MYT1L: variants seen among roughly 807,000 people sequenced by gnomAD.
MYT1L encodes the protein myelin transcription factor 1 like.
MYT1L carries 12 observed loss-of-function variants against 126.7 expected under a neutral mutation model. The ratio of observed to expected loss-of-function variants is 0.09; its 90% confidence interval spans 0.06 to 0.15. The LOEUF (loss-of-function observed/expected upper bound fraction) is 0.15. MYT1L is among the 10% of genes least tolerant of loss of function. The probability of loss-of-function intolerance (pLI) is 1.00; values close to 1 mark genes in which losing one functional copy is unlikely to be tolerated. For missense variants in MYT1L, 979 were observed against 1,585.2 expected (o/e 0.62, Z 6.49); for synonymous variants, 541 against 604.2 (o/e 0.90, Z 1.53).
At chr2:1,977,358 G>A (rs1293632487) in intron 8 of MYT1L, among the ~76,000 whole-genome samples, 1 of 152,160 alleles carries the variant, frequency 6.6e-6, no homozygotes, top group Non-Finnish European at 1.5e-5. Flanking sequence ...CACATTACAT[G>A]GGACACATAA....
intron 5 of MYT1L, among the ~76,000 whole-genome samples, chr2:1,994,617 G>C (rs986813458): frequency 9.9e-5 from 15 of 152,218 alleles, no homozygotes; most frequent in African/African-American, 3.6e-4. Context: ...ACACAAATGT[G>C]ACTGAAGAGC....
At position 1,891,744 on chromosome 2, in the gene MYT1L, T is replaced by C. The variant is rs181372284; in HGVS notation, c.2283+293A>G. Among the ~76,000 whole-genome samples, 259 of 152,318 alleles carry C rather than the reference T, an allele frequency of 1.7e-3. 2 individuals carry two copies. Among genetic ancestry groups the C allele is most frequent in the African/African-American group, 5.9e-3 (246 of 41,582 alleles). On this transcript the variant is annotated intron_variant, in intron 15 of 24. Transcript: ENST00000647738. ...ACCACAGGAGGCCCACGTGGTGTCC[T>C]TTGTTTACAGAAATGCTTCTGGATC...
intron 13 of MYT1L, among the ~76,000 whole-genome samples, chr2:1,909,971 C>T (rs2051680836): frequency 6.6e-6 from 1 of 152,172 alleles, no homozygotes; most frequent in African/African-American, 2.4e-5. Context: ...AATACCAGGT[C>T]CAGAAACAAA....
intron 3 of MYT1L, among the ~76,000 whole-genome samples, chr2:2,157,375 A>G (rs1306423894): frequency 6.6e-6 from 1 of 152,226 alleles, no homozygotes; most frequent in African/African-American, 2.4e-5. Context: ...TAATATGTCC[A>G]TGGACTAGAC....
intron 1 of MYT1L, chr2:2,327,028 C>A (rs1275067880): frequency 6.6e-6 from 1 of 151,850 alleles, no homozygotes; most frequent in African/African-American, 2.4e-5. Flanking sequence ...TGAAATAGCC[C>A]ACTGATGGAA....
intron 3 of MYT1L, among the ~76,000 whole-genome samples, chr2:2,079,269 T>C (rs758396595): frequency 2.0e-5 from 3 of 152,054 alleles, no homozygotes; most frequent in South Asian, 2.1e-4. Flanking sequence ...GAATAAAACA[T>C]CTGGAAATAA....
intron 2 of MYT1L, among the ~76,000 whole-genome samples, chr2:2,207,599 C>T (rs530362443): frequency 6.6e-6 from 1 of 152,318 alleles, no homozygotes; most frequent in South Asian, 2.1e-4. Flanking sequence ...TGGTTCACCA[C>T]TAAGCCTGGA....
chr2:2,081,376 C>G (rs1032340039), intron 3 of MYT1L, among the ~76,000 whole-genome samples: 4 of 152,170 alleles, frequency 2.6e-5, no homozygotes, highest in Non-Finnish European at 5.9e-5. Context: ...TCCTACTTCC[C>G]TCTTGGCAAA....
intron 4 of MYT1L, among the ~76,000 whole-genome samples, chr2:2,023,330 G>A (rs923714377): frequency 2.0e-5 from 3 of 152,216 alleles, no homozygotes; most frequent in African/African-American, 4.8e-5. Flanking sequence ...TGCACAGAAT[G>A]TCCATTAGAG....
At chr2:2,109,873 TTTTATA>T (rs1401022710) in intron 3 of MYT1L, among the ~76,000 whole-genome samples, 3 of 82,010 alleles carry the variant, frequency 3.7e-5, no homozygotes, top group Admixed American at 1.5e-4. Context: ...AAAGTGCTGA[TTTTATA>T]TATATATATA....
At chr2:2,282,746 A>G (rs573714251) in intron 2 of MYT1L, among the ~76,000 whole-genome samples, 2 of 152,366 alleles carry the variant, frequency 1.3e-5, no homozygotes, top group South Asian at 4.1e-4. Context: ...GTAGAATGCT[A>G]GATGAGGTAA....
chr2:2,186,325 A>G (rs1039996545), intron 2 of MYT1L, among the ~76,000 whole-genome samples: 16 of 115,562 alleles, frequency 1.4e-4, no homozygotes, highest in African/African-American at 5.3e-4. Flanking sequence ...TTCCGCGGTC[A>G]TTATGTGAGG....
chr2:1,981,125 G>C (rs1337462926), intron 5 of MYT1L, among the ~76,000 whole-genome samples: 1 of 152,136 alleles, frequency 6.6e-6, no homozygotes, highest in Non-Finnish European at 1.5e-5. Context: ...CAGTATGAAA[G>C]GCATCAGAAA....
At chr2:1,980,300 T>C (rs2060508185) in intron 5 of MYT1L, among the ~76,000 whole-genome samples, 1 of 146,138 alleles carries the variant, frequency 6.8e-6, no homozygotes, top group Non-Finnish European at 1.5e-5. Flanking sequence ...ATATAATATA[T>C]AGTTTATATT....
chr2:1,910,365 G>C lies in MYT1L; in HGVS notation c.1710-18C>G. 6.2e-7 allele frequency: 1 copy of C among 1,603,002 alleles called. No individual in the cohort carries two copies. Among genetic ancestry groups the C allele is most frequent in the South Asian group, 1.1e-5 (1 of 90,864 alleles). On this transcript the variant is annotated intron_variant, in intron 12 of 24. Transcript: ENST00000647738. The surrounding 1 kb of genome is among the most constrained non-coding windows in gnomAD (Gnocchi z 4.8). ...CGGAGAGGCTGCAATCACAGAAAGCGGGTTGAATGGTCCCGCCTCAAACAC... is the reference window on the plus strand; with the variant it reads ...CGGAGAGGCTGCAATCACAGAAAGCCGGTTGAATGGTCCCGCCTCAAACAC...
intron 2 of MYT1L, among the ~76,000 whole-genome samples, chr2:2,270,741 C>T (rs1399742716): frequency 6.6e-6 from 1 of 152,090 alleles, no homozygotes; most frequent in African/African-American, 2.4e-5. Context: ...AAGTACAGCA[C>T]AGTCTCTGCC....
chr2:2,043,086 C>T (rs1386010232), intron 4 of MYT1L, among the ~76,000 whole-genome samples: 1 of 152,150 alleles, frequency 6.6e-6, no homozygotes, highest in Non-Finnish European at 1.5e-5. Context: ...TGGCCCCAAG[C>T]CCGGGGACCT....
At chr2:1,947,770 T>C (rs2057370207) in intron 8 of MYT1L, among the ~76,000 whole-genome samples, 1 of 151,714 alleles carries the variant, frequency 6.6e-6, no homozygotes, top group Non-Finnish European at 1.5e-5. Context: ...AGAAGGTGAG[T>C]GTGTGTGGAA....
chr2:2,181,888 C>A (rs181063284), intron 2 of MYT1L, among the ~76,000 whole-genome samples: 1 of 152,102 alleles, frequency 6.6e-6, no homozygotes, highest in Non-Finnish European at 1.5e-5. Flanking sequence ...AATAGGCAAC[C>A]GAGATATTAT....
Sources: allele counts gnomAD v4.1 joint callset (sites outside exome capture counted in the v4.1 genomes callset), GRCh38; gene constraint gnomAD v4.1.1; non-coding constraint Gnocchi (gnomAD v3.1); transcripts MANE v1.5; gene names NCBI Gene and HGNC (gene_info 2026-07-23, HGNC 2026-07-21).